IHO1: variants seen among roughly 807,000 people sequenced by gnomAD.
IHO1 encodes the protein interactor of HORMAD1 1.
Under a neutral mutation model 31.0 loss-of-function variants are expected in IHO1, and 13 were observed. That is an observed-to-expected ratio of 0.42 (90% CI 0.27 to 0.67). The LOEUF (loss-of-function observed/expected upper bound fraction) is 0.67, where lower values mean the gene tolerates loss of function less well. Among genes scored for constraint, IHO1 ranks in the 30% least tolerant of loss-of-function variants. The probability of loss-of-function intolerance (pLI) is 0.24; values close to 1 mark genes in which losing one functional copy is unlikely to be tolerated. For synonymous variants in IHO1, 221 were observed against 248.4 expected (o/e 0.89, Z 1.04); for missense variants, 599 against 687.5 (o/e 0.87, Z 1.44).
rs1406813287 is a variant in IHO1 at position 49,209,066 on chromosome 3, G to A, written c.-15-2700G>A. Among the ~76,000 whole-genome samples the A allele has an allele frequency of 2.6e-5, 4 of 152,088 alleles. No individual in the cohort carries two copies. The East Asian group carries it at 7.7e-4, about 29-fold the overall frequency. ...CATCTCAGGCTTGGGTAAACCATGT[G>A]GTAAACACAGACATGCTGCACAAGT... On this transcript the variant is annotated intron_variant, in intron 1 of 7. Coordinates refer to ENST00000452691, the MANE Select transcript of IHO1 (RefSeq NM_001135197.2).
chr3:49,230,875 T>C (rs1307356090), intron 2 of IHO1, among the ~76,000 whole-genome samples: 2 of 152,194 alleles, frequency 1.3e-5, no homozygotes, highest in Non-Finnish European at 2.9e-5. Context: ...CCATGAGTAA[T>C]CTATTTTCTA....
At chr3:49,193,778 A>G (rs1238797344), upstream of IHO1, among the ~76,000 whole-genome samples, 1 of 151,810 alleles carries the variant, frequency 6.6e-6, no homozygotes, top group Admixed American at 6.6e-5. Flanking sequence ...CCTGGCCAAC[A>G]TGGTGAAACC....
In IHO1 at chr3:49,256,798, T is replaced by C. The variant is rs2046831184; in HGVS notation, c.1301T>C (p.Val434Ala). The C allele has an allele frequency of 6.2e-7, 1 of 1,614,060 alleles. No homozygotes were observed. The highest frequency in any genetic ancestry group is 1.3e-5 in the African/African-American group (1 of 75,004). Reference sequence around the variant, plus strand: ...GTGATTAAACAGAAAGATGGGACTGTAGAAATGCGGGGGAAAGACAAGAAG... The same window carrying C: ...GTGATTAAACAGAAAGATGGGACTGCAGAAATGCGGGGGAAAGACAAGAAG... ...HLVIKQKDGT[V>A]EMRGKDKKQQ... is the part of the protein sequence containing the mutation. The change falls in exon 8 of 8, where the codon GTA (valine) becomes GCA (alanine). Residue 434 changes from valine (V) to alanine (A), a missense_variant. Coordinates refer to ENST00000452691, the MANE Select transcript of IHO1 (RefSeq NM_001135197.2). The surrounding 1 kb of genome is among the most constrained non-coding windows in gnomAD (Gnocchi z 4.6).
chr3:49,212,584 T>G (rs1393864700), intron 2 of IHO1, among the ~76,000 whole-genome samples: 1 of 151,330 alleles, frequency 6.6e-6, no homozygotes, highest in African/African-American at 2.4e-5. Context: ...CCAGAATTGG[T>G]GGGTTCTTGG....
intron 2 of IHO1, among the ~76,000 whole-genome samples, chr3:49,227,488 C>T (rs574941731): frequency 1.3e-5 from 2 of 152,164 alleles, no homozygotes; most frequent in African/African-American, 4.8e-5. Flanking sequence ...GACGCAGCAG[C>T]AGAAACAGTA....
intron 6 of IHO1, chr3:49,245,188 A>ATTTT: frequency 5.7e-6 from 1 of 176,982 alleles, no homozygotes; most frequent in East Asian, 1.3e-4. Context: ...ATCATTCTCA[A>ATTTT]TTTTTTTTTT....
intron 2 of IHO1, among the ~76,000 whole-genome samples, chr3:49,215,293 C>G (rs1022198869): frequency 6.6e-6 from 1 of 151,086 alleles, no homozygotes; most frequent in Non-Finnish European, 1.5e-5. Context: ...TCAGGTAATC[C>G]AACCGCCTCA....
intron 2 of IHO1, among the ~76,000 whole-genome samples, chr3:49,234,931 C>T (rs775003201): frequency 2.6e-5 from 4 of 151,860 alleles, no homozygotes; most frequent in Non-Finnish European, 5.9e-5. Flanking sequence ...ACTGCAACCT[C>T]TGCCTCCCGG....
intron 6 of IHO1, among the ~76,000 whole-genome samples, chr3:49,246,498 A>G (rs2046696585): frequency 6.6e-6 from 1 of 152,000 alleles, no homozygotes; most frequent in Non-Finnish European, 1.5e-5. Flanking sequence ...TGCAAAAAAA[A>G]TTAGCCAGGC....
intron 2 of IHO1, among the ~76,000 whole-genome samples, chr3:49,230,885 A>G (rs2046473577): frequency 6.6e-6 from 1 of 152,194 alleles, no homozygotes; most frequent in South Asian, 2.1e-4. Context: ...TCTATTTTCT[A>G]TCTTTAGAGG....
chr3:49,225,819 G>T (rs1356791862), intron 2 of IHO1, among the ~76,000 whole-genome samples: 4 of 152,034 alleles, frequency 2.6e-5, no homozygotes, highest in African/African-American at 9.7e-5. Flanking sequence ...ACACTGAGAA[G>T]GCCGTGCCGG....
intron 4 of IHO1, 92 bp downstream of exon 4, chr3:49,241,481 A>G (rs2046630130): frequency 3.2e-6 from 4 of 1,259,070 alleles, no homozygotes; most frequent in Non-Finnish European, 3.3e-6. Flanking sequence ...CAATTTTAGC[A>G]TAATAGCATG....
intron 2 of IHO1, among the ~76,000 whole-genome samples, chr3:49,223,541 A>G (rs973026949): frequency 6.6e-6 from 1 of 152,144 alleles, no homozygotes. Context: ...AATAAAAAAA[A>G]TTAGCTGGGT....
intron 2 of IHO1, among the ~76,000 whole-genome samples, chr3:49,235,231 C>CTTT (rs769000160): frequency 7.4e-6 from 1 of 135,030 alleles, no homozygotes; most frequent in Non-Finnish European, 1.6e-5. Flanking sequence ...ATATATAAAT[C>CTTT]TTTTTTTTTT....
At chr3:49,231,534 C>CT (rs1298079631) in intron 2 of IHO1, among the ~76,000 whole-genome samples, 2 of 152,156 alleles carry the variant, frequency 1.3e-5, no homozygotes, top group Non-Finnish European at 2.9e-5. Flanking sequence ...TTTGATATGC[C>CT]TATTAATGTG....
At chr3:49,219,077 G>A (rs1364004129) in intron 2 of IHO1, among the ~76,000 whole-genome samples, 1 of 152,174 alleles carries the variant, frequency 6.6e-6, no homozygotes, top group African/African-American at 2.4e-5. Flanking sequence ...GGAAGGCTGA[G>A]GCGGATGCAT....
At chr3:49,241,724 G>A (rs552645216) in intron 4 of IHO1, among the ~76,000 whole-genome samples, 41 of 152,002 alleles carry the variant, frequency 2.7e-4, no homozygotes, top group Non-Finnish European at 4.0e-4. Flanking sequence ...AGGTTCAAGC[G>A]ATTCTCCTGC....
At chr3:49,236,865 T>G in intron 3 of IHO1, 143 bp downstream of exon 3, 1 of 712,438 alleles carries the variant, frequency 1.4e-6, no homozygotes, top group Non-Finnish European at 2.2e-6. Context: ...GTGGATCCCT[T>G]GAGCCCAGGA....
intron 2 of IHO1, among the ~76,000 whole-genome samples, chr3:49,213,125 C>T (rs1342415820): frequency 2.2e-5 from 3 of 133,410 alleles, no homozygotes; most frequent in Non-Finnish European, 4.7e-5. Context: ...TGCTGATTGG[C>T]GTGTTTGCAA....
Sources: allele counts gnomAD v4.1 joint callset (sites outside exome capture counted in the v4.1 genomes callset), GRCh38; gene constraint gnomAD v4.1.1; non-coding constraint Gnocchi (gnomAD v3.1); transcripts MANE v1.5; gene names NCBI Gene and HGNC (gene_info 2026-07-23, HGNC 2026-07-21).